Variants in FAM81B observed in about 807,000 individuals in gnomAD.
FAM81B encodes the protein protein FAM81B.
A neutral mutation model predicts 58.7 loss-of-function variants in FAM81B; 60 were observed. The ratio of observed to expected loss-of-function variants is 1.02; its 90% CI spans 0.83 to 1.27. The LOEUF (loss-of-function observed/expected upper bound fraction) is 1.27. Among genes scored for constraint, FAM81B ranks in the 50% most tolerant of loss-of-function variants. The pLI is 0.00. For synonymous variants in FAM81B, 189 were observed against 179.6 expected (o/e 1.05, Z -0.42); for missense variants, 491 against 522.0 (o/e 0.94, Z 0.58).
intron 3 of FAM81B, among the ~76,000 whole-genome samples, chr5:95,404,723 T>G (rs1762201140): frequency 6.6e-6 from 1 of 152,214 alleles, no homozygotes; most frequent in Admixed American, 6.5e-5. Context: ...GTGCCACACA[T>G]TCTTCTCAAT....
chr5:95,435,406 T>C (rs534137388), intron 6 of FAM81B, among the ~76,000 whole-genome samples: 2 of 152,320 alleles, frequency 1.3e-5, no homozygotes, highest in South Asian at 4.1e-4. Flanking sequence ...ATTTGAGATT[T>C]TCTTAATGTT....
intron 4 of FAM81B, among the ~76,000 whole-genome samples, chr5:95,414,750 C>T (rs1762494311): frequency 1.3e-5 from 2 of 152,314 alleles, no homozygotes; most frequent in African/African-American, 2.4e-5. Context: ...TGCTTCATTC[C>T]TCCAGGTTTC....
At chr5:95,427,883 T>C (rs1047443793) in intron 5 of FAM81B, among the ~76,000 whole-genome samples, 1 of 152,122 alleles carries the variant, frequency 6.6e-6, no homozygotes, top group African/African-American at 2.4e-5. Flanking sequence ...TGTGGTTCTG[T>C]GTGTTATCTT....
intron 3 of FAM81B, chr5:95,410,889 C>T (rs1762388114): frequency 6.6e-6 from 1 of 152,148 alleles, no homozygotes; most frequent in Non-Finnish European, 1.5e-5. Context: ...AGTTCTGAGA[C>T]ATTGAAACAT....
At chr5:95,428,491 T>G (rs921694053) in intron 5 of FAM81B, 112 bp from the exon 6 acceptor site, 115 of 1,326,974 alleles carry the variant, frequency 8.7e-5, no homozygotes, top group Non-Finnish European at 9.6e-5. Flanking sequence ...TACCAACTCA[T>G]TCTTCAAATG....
In FAM81B at chr5:95,408,579, T is replaced by C. The variant is rs1298170438; in HGVS notation, c.294-5368T>C. Among the ~76,000 whole-genome samples, 8 of 152,344 alleles carry C rather than the reference T, an allele frequency of 5.3e-5. No individual in the cohort carries two copies. The South Asian group carries it at 1.7e-3, about 32-fold the overall frequency. On this transcript the variant is annotated intron_variant, in intron 3 of 9. Transcript: ENST00000283357. ...TTGGAGGGGACCTCTTCTCTGCATG[T>C]AATGTAGTATGAACTTCAGACTGCT...
At chr5:95,402,490 T>A (rs915214055) in intron 3 of FAM81B, among the ~76,000 whole-genome samples, 1 of 152,162 alleles carries the variant, frequency 6.6e-6, no homozygotes, top group Non-Finnish European at 1.5e-5. Flanking sequence ...AAACATAAAA[T>A]AAATTTTAAA....
At position 95,414,014 on chromosome 5, in the gene FAM81B, C is replaced by T; in HGVS notation, c.361C>T (p.Gln121Ter). 1 of 1,614,054 alleles carries T rather than the reference C, an allele frequency of 6.2e-7. No individual in the cohort carries two copies. Among genetic ancestry groups the T allele is most frequent in the Non-Finnish European group, 8.5e-7 (1 of 1,179,994 alleles). ...TCAGCTAGAAGACAGACTGAACAACCAGGCGCGTACCATAGCTTTCCTTCT... is the reference window on the plus strand; with the variant it reads ...TCAGCTAGAAGACAGACTGAACAACTAGGCGCGTACCATAGCTTTCCTTCT... The part of the protein sequence containing the change: ...RGQLEDRLNN[Q>*]ARTIAFLLEQ... Residue 121 changes from glutamine (Q) to a stop codon, truncating the protein, a stop_gained, in exon 4 of 10, where the codon CAG (glutamine) becomes TAG (stop). Coordinates refer to ENST00000283357, the MANE Select transcript of FAM81B (RefSeq NM_152548.3). LOFTEE classifies it high-confidence loss of function.
At chr5:95,422,257 T>C (rs928223662) in intron 5 of FAM81B, among the ~76,000 whole-genome samples, 1 of 151,302 alleles carries the variant, frequency 6.6e-6, no homozygotes, top group African/African-American at 2.4e-5. Flanking sequence ...AAAAAATAAC[T>C]GTCAGCCAGT....
chr5:95,444,426 TG>T (rs1170120197), intron 7 of FAM81B, among the ~76,000 whole-genome samples: 1 of 152,116 alleles, frequency 6.6e-6, no homozygotes, highest in East Asian at 1.9e-4. Flanking sequence ...TTTAAGGTGG[TG>T]TATAAATGTA....
intron 6 of FAM81B, among the ~76,000 whole-genome samples, chr5:95,435,478 C>T (rs1411652448): frequency 6.6e-6 from 1 of 152,032 alleles, no homozygotes; most frequent in Admixed American, 6.6e-5. Context: ...ATGCTGTTTC[C>T]AAGTTACATG....
intron 2 of FAM81B, 84 bp from the exon 3 acceptor site, chr5:95,396,027 T>A (rs1761956069): frequency 1.5e-5 from 17 of 1,118,496 alleles, no homozygotes; most frequent in Non-Finnish European, 2.1e-5. Context: ...TTGTTTAAAA[T>A]TAAAACTCTT....
chr5:95,450,375 T>G lies in FAM81B; in HGVS notation c.*93T>G. 6.4e-7 allele frequency: 1 copy of G among 1,559,746 alleles called. No individual in the cohort carries two copies. Among genetic ancestry groups the G allele is most frequent in the Non-Finnish European group, 8.6e-7 (1 of 1,160,384 alleles). On this transcript the variant is annotated 3_prime_UTR_variant, in exon 10 of 10. Transcript: ENST00000283357. Reference sequence around the variant, plus strand: ...AAGTTACTATCTCTGGGATGTTTACTGCTTCTAATGTCTCCTTTTAAGGAG... The same window carrying G: ...AAGTTACTATCTCTGGGATGTTTACGGCTTCTAATGTCTCCTTTTAAGGAG...
intron 6 of FAM81B, among the ~76,000 whole-genome samples, chr5:95,434,432 C>T (rs969133311): frequency 6.6e-6 from 1 of 152,214 alleles, no homozygotes; most frequent in African/African-American, 2.4e-5. Flanking sequence ...TCTGACTTCA[C>T]CTTCTGCTGC....
Position 95,442,038 on chromosome 5 carries a change from A to G in FAM81B, c.894-4524A>G, listed in dbSNP as rs146204701. Among the ~76,000 whole-genome samples, 525 of 152,366 alleles carry G rather than the reference A, an allele frequency of 3.4e-3. 4 individuals carry two copies. Among genetic ancestry groups the G allele is most frequent in the African/African-American group, 0.012 (499 of 41,592 alleles). ...TCAATGAAGCAAATGCATAGACTCAAATAATATCATCCAACTTTGAAAACA... is the reference window on the plus strand; with the variant it reads ...TCAATGAAGCAAATGCATAGACTCAGATAATATCATCCAACTTTGAAAACA... On this transcript the variant is annotated intron_variant, in intron 7 of 9. Coordinates refer to ENST00000283357, the MANE Select transcript of FAM81B (RefSeq NM_152548.3).
intron 6 of FAM81B, among the ~76,000 whole-genome samples, chr5:95,435,720 T>A (rs1012671299): frequency 1.3e-5 from 2 of 152,214 alleles, no homozygotes; most frequent in Non-Finnish European, 2.9e-5. Context: ...TGACCATCTT[T>A]GTCCCATTTT....
intron 2 of FAM81B, among the ~76,000 whole-genome samples, chr5:95,394,514 T>G (rs149371595): frequency 6.6e-6 from 1 of 152,212 alleles, no homozygotes; most frequent in Non-Finnish European, 1.5e-5. Context: ...GACTCAGTAC[T>G]GTTTCAGTGG....
At chr5:95,405,689 G>A (rs1336382792) in intron 3 of FAM81B, among the ~76,000 whole-genome samples, 3 of 152,168 alleles carry the variant, frequency 2.0e-5, no homozygotes, top group Non-Finnish European at 2.9e-5. Flanking sequence ...CATTTCCCCT[G>A]GGCATTTCAG....
At position 95,392,703 on chromosome 5, in the gene FAM81B, A is replaced by T. The variant is rs1474751555; in HGVS notation, c.125-91A>T. ...TCCCTTTAAGCCAAGCTATATGTAC[A>T]GAAACTGCCCTCAATTAAAAAAAAA... On this transcript the variant is annotated intron_variant, in intron 1 of 9. Coordinates refer to ENST00000283357, the MANE Select transcript of FAM81B (RefSeq NM_152548.3). The T allele has an allele frequency of 5.9e-6, 6 of 1,015,134 alleles. No individual in the cohort carries two copies. The Admixed American group carries it at 7.1e-5, about 12-fold the overall frequency. The allele number at this position is 1,015,134 out of a possible 1,614,324, so 62.9% of individuals were successfully genotyped here. A position where few individuals can be genotyped will look rare whatever the true frequency, so the allele number is the denominator to read the frequency against.
Sources: allele counts gnomAD v4.1 joint callset (sites outside exome capture counted in the v4.1 genomes callset), GRCh38; gene constraint gnomAD v4.1.1; transcripts MANE v1.5; gene names NCBI Gene and HGNC (gene_info 2026-07-23, HGNC 2026-07-21).